ABCA2: variants seen among roughly 807,000 people sequenced by gnomAD.
ABCA2 encodes the protein ATP-binding cassette sub-family A member 2.
A neutral mutation model predicts 262.8 loss-of-function variants in ABCA2; 84 were observed. The observed-to-expected ratio is 0.32, with a 90% confidence interval of 0.27 to 0.38. The LOEUF is 0.38. Among genes scored for constraint, ABCA2 ranks in the 10% least tolerant of loss-of-function variants. The pLI is 1.00. For missense variants in ABCA2, 2,662 were observed against 3,405.9 expected (o/e 0.78, Z 5.44); for synonymous variants, 1,696 against 1,502.9 (o/e 1.13, Z -2.97).
intron 27 of ABCA2, 38 bp from the exon 28 acceptor site, chr9:137,014,076 G>A (rs563411199): frequency 7.5e-6 from 12 of 1,600,394 alleles, no homozygotes; most frequent in Admixed American, 3.4e-5. Flanking sequence ...GTGGTTGCAC[G>A]CTACCCTCTC....
chr9:137,019,182 T>C lies in ABCA2; in HGVS notation c.1550A>G (p.Gln517Arg). Residue 517 changes from glutamine (Q) to arginine (R), a missense_variant, in exon 11 of 49, where the codon CAG becomes CGG. Coordinates refer to ENST00000341511, the MANE Select transcript of ABCA2 (RefSeq NM_001606.5). This position sits in a 1 kb window ranked among gnomAD's most constrained non-coding sequence, Gnocchi z 4.4. The stretch of plus-strand genomic sequence containing the variant: ...CCTCGCGGGCACCCTTGGCACCTGC[T>C]GCAGCCAGCGCAGGTGTTGCTGCAG... ...GRLQQHLRWLQQYVAELRLHP... is the reference protein window; with the variant it reads ...GRLQQHLRWLRQYVAELRLHP... 1 of 1,612,056 alleles carries C rather than the reference T, an allele frequency of 6.2e-7. No homozygotes were observed. The highest frequency in any genetic ancestry group is 8.5e-7 in the Non-Finnish European group (1 of 1,179,540).
At position 137,013,826 on chromosome 9, in the gene ABCA2, G is replaced by A; in HGVS notation, c.4447+6C>T. On this transcript the variant is annotated splice_donor_region_variant and intron_variant, in intron 28 of 48. Transcript: ENST00000341511. ...GCCCAGCACCCCTGTCCAGCCGGTGGCCTACCAATCTCCGGGACGGACAGG... is the reference window on the plus strand; with the variant it reads ...GCCCAGCACCCCTGTCCAGCCGGTGACCTACCAATCTCCGGGACGGACAGG... 6.3e-7 allele frequency: 1 copy of A among 1,599,488 alleles called. No homozygotes were observed. The highest frequency in any genetic ancestry group is 8.5e-7 in the Non-Finnish European group (1 of 1,173,874).
intron 1 of ABCA2, among the ~76,000 whole-genome samples, chr9:137,026,845 C>A (rs1831669172): frequency 6.6e-6 from 1 of 152,250 alleles, no homozygotes; most frequent in Non-Finnish European, 1.5e-5. Context: ...GCTCTGCTGT[C>A]CCCAGTGACT....
chr9:137,014,117 C>T (rs776336280), intron 27 of ABCA2, 51 bp downstream of exon 27: 29 of 1,591,076 alleles, frequency 1.8e-5, no homozygotes, highest in Non-Finnish European at 2.3e-5. Flanking sequence ...CGCTCCCCCG[C>T]AACCCTGCTC....
At chr9:137,024,681 G>A (rs531220678) in intron 1 of ABCA2, among the ~76,000 whole-genome samples, 3 of 152,316 alleles carry the variant, frequency 2.0e-5, no homozygotes, top group African/African-American at 4.8e-5. Context: ...CACCAATACC[G>A]GGGCCTGGGG....
At chr9:137,009,700 G>A (rs1190380419) in intron 43 of ABCA2, 56 bp from the exon 44 acceptor site, 80 of 1,611,010 alleles carry the variant, frequency 5.0e-5, no homozygotes, top group Non-Finnish European at 6.3e-5. Context: ...CAGCCTGAAC[G>A]CTGCCCCTGC....
At position 137,012,498 on chromosome 9, in the gene ABCA2, C is replaced by A; in HGVS notation, c.5174G>T (p.Arg1725Leu). 6.2e-7 allele frequency: 1 copy of A among 1,611,574 alleles called. No individual in the cohort carries two copies. The highest frequency in any genetic ancestry group is 8.5e-7 in the Non-Finnish European group (1 of 1,179,842). ...APPMVRKIAV[R>L]RAAQVFYNNK... ...AGCCTCGCTCACCTGGGCAGCCCTG[C>A]GCACCGCGATCTTCCGCACCATGGG... is the stretch of plus-strand genomic sequence containing the variant. The change falls in exon 32 of 49, where the codon CGC (arginine) becomes CTC (leucine). Residue 1725 changes from arginine to leucine, a missense_variant. By Grantham distance (102) the Arg-to-Leu change is moderately radical. Coordinates refer to ENST00000341511, the MANE Select transcript of ABCA2 (RefSeq NM_001606.5).
chr9:137,020,510 AG>A lies in ABCA2; in HGVS notation c.1266-16del. On this transcript the variant is annotated splice_polypyrimidine_tract_variant and intron_variant, in intron 9 of 48. Coordinates refer to ENST00000341511, the MANE Select transcript of ABCA2 (RefSeq NM_001606.5). ...GTTCAATGGTGCTGGGGTAGGGGAC[AG>A]GGGGCCGGGCCAGGCCGTTAGGGGG... 6 of 1,575,016 alleles carry A rather than the reference AG, an allele frequency of 3.8e-6. No homozygotes were observed. The highest frequency in any genetic ancestry group is 5.2e-6 in the Non-Finnish European group (6 of 1,161,892).
chr9:137,018,848 G>A lies in ABCA2; in HGVS notation c.1723-33C>T, dbSNP rs376573229. The A allele has an allele frequency of 3.1e-6, 5 of 1,612,590 alleles. 1 individual carries two copies. The highest frequency in any genetic ancestry group is 4.2e-6 in the Non-Finnish European group (5 of 1,179,758). On this transcript the variant is annotated intron_variant, in intron 12 of 48. Transcript: ENST00000341511. The stretch of plus-strand genomic sequence containing the variant: ...GAGGGGCATCGCTGGAGCCCGCCGT[G>A]GGCATGTGCGAGGCAGGGGGTGTCG...
Position 137,014,365 on chromosome 9 carries a change from T to C in ABCA2, c.4043A>G (p.Glu1348Gly). The change falls in exon 27 of 49, where the codon GAG becomes GGG. Residue 1348 changes from glutamate to glycine, a missense_variant. This residue lies in a region of ABCA2 where 297 missense variants were observed against 286.5 expected (regional missense o/e 1.04). Coordinates refer to ENST00000341511, the MANE Select transcript of ABCA2 (RefSeq NM_001606.5). Reference protein sequence around the residue: ...ESRKDVLPGAEGPASGEGHAG... With the variant: ...ESRKDVLPGAGGPASGEGHAG... ...GTGACCCTCCCCAGACGCCGGGCCC[T>C]CCGCCCCAGGGAGCACATCCTTCCT... 1.9e-6 allele frequency: 3 copies of C among 1,597,800 alleles called. No individual in the cohort carries two copies. Among genetic ancestry groups the C allele is most frequent in the Non-Finnish European group, 2.6e-6 (3 of 1,172,854 alleles).
Position 137,019,821 on chromosome 9 carries a change from G to A in ABCA2, c.1425+515C>T. 1 of 193,018 alleles carries A rather than the reference G, an allele frequency of 5.2e-6. No homozygotes were observed. Among genetic ancestry groups the A allele is most frequent in the Non-Finnish European group, 1.1e-5 (1 of 92,342 alleles). 12.0% of individuals were successfully genotyped at this position (193,018 alleles called of 1,614,324 possible). A position where few individuals can be genotyped will look rare whatever the true frequency, so the allele number is the denominator to read the frequency against. On this transcript the variant is annotated intron_variant, in intron 10 of 48. Coordinates refer to ENST00000341511, the MANE Select transcript of ABCA2 (RefSeq NM_001606.5). The surrounding 1 kb of genome is among the most constrained non-coding windows in gnomAD (Gnocchi z 4.4). Reference sequence around the variant, plus strand: ...CCCAACTGCCCAGCTGTGCCCACCAGCTCCTTTGCTGGACCTGTCTCCATG... The same window carrying A: ...CCCAACTGCCCAGCTGTGCCCACCAACTCCTTTGCTGGACCTGTCTCCATG...
chr9:137,024,222 G>A lies in ABCA2; in HGVS notation c.81C>T (p.Phe27=), dbSNP rs771027236. Reference sequence around the variant, plus strand: ...ACAGCACCAGGGGGATGAAGATCTCGAAGGCCAGGACCCACTGGAAAGGGT... The same window carrying A: ...ACAGCACCAGGGGGATGAAGATCTCAAAGGCCAGGACCCACTGGAAAGGGT... ...LKRRSPWVLA[F]EIFIPLVLFF... Residue 27 remains phenylalanine, a synonymous_variant, in exon 2 of 49, where the codon TTC becomes TTT. Coordinates refer to ENST00000341511, the MANE Select transcript of ABCA2 (RefSeq NM_001606.5). The A allele has an allele frequency of 1.1e-5, 18 of 1,611,218 alleles. No individual in the cohort carries two copies. In the Admixed American group the frequency reaches 1.5e-4, roughly 13 times the overall value.
rs1588528277 is a variant in ABCA2 at position 137,022,924 on chromosome 9, G to T, written c.275+17C>A. ...CTGGGGAGGGGTGGGTGCTCCGAGG[G>T]GCGGGTGGGCACTCACGTGGAGTTG... is the stretch of plus-strand genomic sequence containing the variant. On this transcript the variant is annotated intron_variant, in intron 4 of 48. Transcript: ENST00000341511. 1 of 1,561,044 alleles carries T rather than the reference G, an allele frequency of 6.4e-7. No homozygotes were observed. The highest frequency in any genetic ancestry group is 8.7e-7 in the Non-Finnish European group (1 of 1,152,212).
chr9:137,010,042 G>A lies in ABCA2; in HGVS notation c.6436C>T (p.Arg2146Trp), dbSNP rs559341917. ...CGCGTGTACAGCTGCAGGTGCTCCCGGGCCGTGAGCTCGTCGAACAGCGCG... is the reference window on the plus strand; with the variant it reads ...CGCGTGTACAGCTGCAGGTGCTCCCAGGCCGTGAGCTCGTCGAACAGCGCG... ...CDALFDELTAREHLQLYTRLR... is the reference protein window; with the variant it reads ...CDALFDELTAWEHLQLYTRLR... The change falls in exon 42 of 49, where the codon CGG becomes TGG. Residue 2146 changes from arginine to tryptophan, a missense_variant. Arg to Trp is a moderately radical substitution (Grantham distance 101). This residue lies in a region of ABCA2 where 602 missense variants were observed against 897.4 expected (regional missense o/e 0.67). Transcript: ENST00000341511. 5.6e-5 allele frequency: 90 copies of A among 1,601,368 alleles called. No individual in the cohort carries two copies. Among genetic ancestry groups the A allele is most frequent in the Admixed American group, 4.1e-4 (24 of 58,992 alleles).
At chr9:137,020,233 T>G (rs1312323309) in intron 10 of ABCA2, 103 bp downstream of exon 10, 7 of 1,507,878 alleles carry the variant, frequency 4.6e-6, no homozygotes, top group Non-Finnish European at 6.3e-6. Context: ...CCCGTACCCC[T>G]CCCGTGTCAA....
In ABCA2 at chr9:137,020,674, T is replaced by C. The variant is rs1831419386; in HGVS notation, c.1265+20A>G. On this transcript the variant is annotated intron_variant, in intron 9 of 48. Transcript: ENST00000341511. ...CCCCTGGCTGTCCTCCTCACCCCCA[T>C]TCCCCTGCCGCCCACCTACCGGTTG... 6.3e-7 allele frequency: 1 copy of C among 1,597,186 alleles called. No individual in the cohort carries two copies. The highest frequency in any genetic ancestry group is 8.5e-7 in the Non-Finnish European group (1 of 1,179,024).
At chr9:137,024,093 C>G in intron 2 of ABCA2, 50 bp downstream of exon 2, 4 of 1,560,112 alleles carry the variant, frequency 2.6e-6, no homozygotes, top group Non-Finnish European at 3.5e-6. Flanking sequence ...CGCAGGCGTG[C>G]GAGGTGCCGC....
At position 137,010,658 on chromosome 9, in the gene ABCA2, C is replaced by T. The variant is rs1170184301; in HGVS notation, c.6136G>A (p.Ala2046Thr). The change falls in exon 40 of 49, where the codon GCC (alanine) becomes ACC (threonine). Residue 2046 changes from alanine (A) to threonine (T), a missense_variant. By Grantham distance (58) the Ala-to-Thr change is moderately conservative. Transcript: ENST00000341511. ...SERQRVLRGD[A>T]DNDMVKIENL... ...TCAATCTTGACCATGTCATTGTCGG[C>T]GTCTCCCCGGAGCACTCGCTGCCGC... The T allele has an allele frequency of 3.2e-6, 5 of 1,583,174 alleles. No individual in the cohort carries two copies. The highest frequency in any genetic ancestry group is 3.4e-6 in the Non-Finnish European group (4 of 1,162,594).
chr9:137,016,747 C>CGGGGA lies in ABCA2; in HGVS notation c.2759-14_2759-10dup. On this transcript the variant is annotated splice_polypyrimidine_tract_variant and intron_variant, in intron 19 of 48. Transcript: ENST00000341511. ...GGGCAGCCCGTACATGCCTGGGGGT[C>CGGGGA]GGGGAGGGGAGGGGAGGCTGACCTA... 2.0e-6 allele frequency: 3 copies of CGGGGA among 1,513,310 alleles called. No homozygotes were observed. The highest frequency in any genetic ancestry group is 1.2e-5 in the South Asian group (1 of 80,802). The allele number at this position is 1,513,310 out of a possible 1,614,324, so 93.7% of individuals were successfully genotyped here.
Sources: allele counts gnomAD v4.1 joint callset (sites outside exome capture counted in the v4.1 genomes callset), GRCh38; gene constraint gnomAD v4.1.1; regional missense constraint gnomAD v4.1.1; non-coding constraint Gnocchi (gnomAD v3.1); transcripts MANE v1.5; gene names NCBI Gene and HGNC (gene_info 2026-07-23, HGNC 2026-07-21).